Variants in ANKFN1 observed in about 807,000 individuals in gnomAD.
ANKFN1 encodes the protein ankyrin repeat and fibronectin type III domain containing 1.
ANKFN1 carries 74 observed loss-of-function variants against 108.7 expected under a neutral mutation model. The observed-to-expected ratio is 0.68, with a 90% CI of 0.56 to 0.83. The LOEUF (loss-of-function observed/expected upper bound fraction) is 0.83. ANKFN1 is among the 40% of genes least tolerant of loss of function. The pLI is 0.00. For missense variants in ANKFN1, 1,505 were observed against 1,382.3 expected (o/e 1.09, Z -1.41); for synonymous variants, 547 against 516.2 (o/e 1.06, Z -0.81).
intron 4 of ANKFN1, among the ~76,000 whole-genome samples, chr17:56,096,671 T>G (rs1287101149): frequency 2.6e-5 from 4 of 152,230 alleles, no homozygotes; most frequent in African/African-American, 4.8e-5. Context: ...AAATGTAAAT[T>G]AATTCAGCCA....
At chr17:56,340,234 T>A (rs1032555566) in intron 4 of ANKFN1, among the ~76,000 whole-genome samples, 1 of 152,164 alleles carries the variant, frequency 6.6e-6, no homozygotes, top group African/African-American at 2.4e-5. Flanking sequence ...TTGCAAAAAA[T>A]TTCTCTTTTT....
intron 4 of ANKFN1, among the ~76,000 whole-genome samples, chr17:56,336,997 A>T (rs2045829127): frequency 6.6e-6 from 1 of 152,148 alleles, no homozygotes; most frequent in Non-Finnish European, 1.5e-5. Flanking sequence ...ATTCAGGAGC[A>T]GGTTGTTTTG....
chr17:56,374,340 G>C (rs989237188), intron 7 of ANKFN1, among the ~76,000 whole-genome samples: 1 of 152,144 alleles, frequency 6.6e-6, no homozygotes, highest in Non-Finnish European at 1.5e-5. Context: ...ATCTCCTATC[G>C]TGTTTGCAGG....
intron 8 of ANKFN1, among the ~76,000 whole-genome samples, chr17:56,377,079 G>A (rs903843463): frequency 6.6e-6 from 1 of 152,168 alleles, no homozygotes; most frequent in African/African-American, 2.4e-5. Context: ...TTGGTTAGAG[G>A]GAAAGTTTAC....
intron 4 of ANKFN1, among the ~76,000 whole-genome samples, chr17:56,144,156 GAAAAAA>G (rs59884444): frequency 0.035 from 1,433 of 40,484 alleles, 73 homozygotes; most frequent in African/African-American, 0.12. Context: ...AGGCGCATCT[GAAAAAA>G]AAAAAAAAAA....
intron 8 of ANKFN1, among the ~76,000 whole-genome samples, chr17:56,409,564 G>T (rs2048026110): frequency 6.6e-6 from 1 of 152,082 alleles, no homozygotes; most frequent in African/African-American, 2.4e-5. Flanking sequence ...TGTTCCTAAA[G>T]CCATCAAAAT....
chr17:56,139,550 T>C (rs1204226984), intron 4 of ANKFN1, among the ~76,000 whole-genome samples: 2 of 152,108 alleles, frequency 1.3e-5, no homozygotes, highest in East Asian at 1.9e-4. Context: ...CATGTGATTT[T>C]CCCCCCATTA....
chr17:56,423,508 T>C (rs926871889), intron 8 of ANKFN1, among the ~76,000 whole-genome samples: 3 of 152,190 alleles, frequency 2.0e-5, no homozygotes, highest in Non-Finnish European at 4.4e-5. Context: ...ACCTTCAGCA[T>C]TGCGTACAAG....
intron 1 of ANKFN1, among the ~76,000 whole-genome samples, chr17:56,159,223 T>A (rs969628487): frequency 6.6e-6 from 1 of 152,166 alleles, no homozygotes; most frequent in African/African-American, 2.4e-5. Flanking sequence ...AAAATGATAT[T>A]CCATGTGAAG....
At chr17:56,489,083 T>A (rs2050946212) in intron 18 of ANKFN1, among the ~76,000 whole-genome samples, 1 of 152,214 alleles carries the variant, frequency 6.6e-6, no homozygotes, top group South Asian at 2.1e-4. Context: ...GTGGCAGAAG[T>A]ATGGTTCAAA....
intron 20 of ANKFN1, among the ~76,000 whole-genome samples, chr17:56,501,281 C>T (rs1396896831): frequency 6.6e-6 from 1 of 152,166 alleles, no homozygotes; most frequent in East Asian, 1.9e-4. Context: ...TGGATTTTAT[C>T]CCGCTTGTGA....
At chr17:56,374,575 T>C (rs1344127729) in intron 7 of ANKFN1, 26 bp from the exon 8 acceptor site, 4 of 1,534,104 alleles carry the variant, frequency 2.6e-6, no homozygotes, top group Admixed American at 3.4e-5. Context: ...TATGTTAAGA[T>C]CCTTGTGTTT....
intron 8 of ANKFN1, among the ~76,000 whole-genome samples, chr17:56,411,300 T>C (rs2048083249): frequency 6.6e-6 from 1 of 152,236 alleles, no homozygotes; most frequent in African/African-American, 2.4e-5. Flanking sequence ...ACTTTGTTTT[T>C]AGTGTATGGA....
At chr17:56,211,113 C>G (rs770495057) in intron 1 of ANKFN1, among the ~76,000 whole-genome samples, 1 of 152,114 alleles carries the variant, frequency 6.6e-6, no homozygotes, top group Non-Finnish European at 1.5e-5. Flanking sequence ...TTAATTAGGT[C>G]CCATCTATTT....
At chr17:56,096,885 G>A (rs1365493982) in intron 4 of ANKFN1, among the ~76,000 whole-genome samples, 1 of 152,176 alleles carries the variant, frequency 6.6e-6, no homozygotes, top group African/African-American at 2.4e-5. Flanking sequence ...ACAGTAAGCT[G>A]GATGAAGAAA....
intron 8 of ANKFN1, among the ~76,000 whole-genome samples, chr17:56,436,334 A>G (rs1363456944): frequency 6.6e-6 from 1 of 152,014 alleles, no homozygotes; most frequent in Non-Finnish European, 1.5e-5. Context: ...GCTATGAGCC[A>G]TTGCGCAATT....
intron 3 of ANKFN1, among the ~76,000 whole-genome samples, chr17:56,260,245 A>G (rs983576065): frequency 3.9e-5 from 6 of 152,242 alleles, no homozygotes; most frequent in Non-Finnish European, 7.3e-5. Flanking sequence ...CTTGTTCAAA[A>G]CAACATTTTA....
intron 4 of ANKFN1, among the ~76,000 whole-genome samples, chr17:56,123,347 A>T (rs754517877): frequency 1.3e-5 from 2 of 152,232 alleles, no homozygotes; most frequent in African/African-American, 2.4e-5. Flanking sequence ...GGGCTGAAAC[A>T]TCACAGTATG....
At chr17:56,375,483 G>C (rs1169855338) in intron 8 of ANKFN1, among the ~76,000 whole-genome samples, 1 of 152,246 alleles carries the variant, frequency 6.6e-6, no homozygotes, top group East Asian at 1.9e-4. Context: ...ACAGAATGAG[G>C]CTCGAAATTA....
Sources: allele counts gnomAD v4.1 joint callset (sites outside exome capture counted in the v4.1 genomes callset), GRCh38; gene constraint gnomAD v4.1.1; transcripts MANE v1.5; gene names NCBI Gene and HGNC (gene_info 2026-07-23, HGNC 2026-07-21).